Variants in BCAS3 observed in about 807,000 individuals in gnomAD.
The protein encoded by BCAS3 is BCAS3 microtubule associated cell migration factor.
Under a neutral mutation model 116.1 loss-of-function variants are expected in BCAS3, and 53 were observed. The ratio of observed to expected loss-of-function variants is 0.46; its 90% CI spans 0.37 to 0.57. The LOEUF (loss-of-function observed/expected upper bound fraction) is 0.57, where lower values mean the gene tolerates loss of function less well. Ranked by LOEUF, BCAS3 falls within the 20% of genes least tolerant of loss-of-function variation. The probability of loss-of-function intolerance (pLI) is 0.00; values close to 1 mark genes in which losing one functional copy is unlikely to be tolerated. For missense variants in BCAS3, 917 were observed against 1,165.4 expected (o/e 0.79, Z 3.10); for synonymous variants, 391 against 408.2 (o/e 0.96, Z 0.51).
In BCAS3 at chr17:61,140,584, C is replaced by CTT. The variant is rs879500255; in HGVS notation, c.2425+56032_2425+56033dup. On this transcript the variant is annotated intron_variant, in intron 22 of 23. Transcript: ENST00000407086. This position sits in a 1 kb window ranked among gnomAD's most constrained non-coding sequence, Gnocchi z 4.2. ...CACATAAAAGTTGCTTATCTCTCCA[C>CTT]TTTTTTTTTTTTTCTGGAGAAACAG... Among the ~76,000 whole-genome samples the CTT allele has an allele frequency of 1.0e-4, 15 of 146,334 alleles. No individual in the cohort carries two copies. The highest frequency in any genetic ancestry group is 9.1e-5 in the Non-Finnish European group (6 of 66,254).
chr17:61,150,001 G>A (rs2077456224), intron 22 of BCAS3, among the ~76,000 whole-genome samples: 1 of 152,170 alleles, frequency 6.6e-6, no homozygotes, highest in African/African-American at 2.4e-5. Flanking sequence ...AGACTTAGAT[G>A]AATATCAGGT....
chr17:61,061,872 G>T lies in BCAS3; in HGVS notation c.2030-13048G>T, dbSNP rs374504605. On this transcript the variant is annotated intron_variant, in intron 19 of 23. Coordinates refer to ENST00000407086, the MANE Select transcript of BCAS3 (RefSeq NM_017679.5). The stretch of plus-strand genomic sequence containing the variant: ...CGTGTTTGAGCAGTTGATAAAGCTG[G>T]TCCTATGTTTGATATTTGTGTGTAT... Among the ~76,000 whole-genome samples, 17 of 152,192 alleles carry T rather than the reference G, an allele frequency of 1.1e-4. No individual in the cohort carries two copies. The East Asian group carries it at 2.5e-3, about 22-fold the overall frequency.
At position 61,344,204 on chromosome 17, in the gene BCAS3, G is replaced by C. The variant is rs1242819901; in HGVS notation, c.2426-24123G>C. On this transcript the variant is annotated intron_variant, in intron 22 of 23. Transcript: ENST00000407086. The surrounding 1 kb of genome is among the most constrained non-coding windows in gnomAD (Gnocchi z 4.1). ...GGAATATGCAAACCCTCTTTGCTTA[G>C]GAGAACCTGAGTTCACCTGCCAAAA... Among the ~76,000 whole-genome samples, 1 of 151,824 alleles carries C rather than the reference G, an allele frequency of 6.6e-6. No individual in the cohort carries two copies. The highest frequency in any genetic ancestry group is 2.4e-5 in the African/African-American group (1 of 41,300).
intron 15 of BCAS3, among the ~76,000 whole-genome samples, chr17:61,005,090 A>G: frequency 6.6e-6 from 1 of 152,116 alleles, no homozygotes; most frequent in East Asian, 1.9e-4. Flanking sequence ...TTACAGGGAA[A>G]GAAGAGTCAT....
intron 22 of BCAS3, among the ~76,000 whole-genome samples, chr17:61,358,592 C>G (rs1468297700): frequency 6.6e-6 from 1 of 150,836 alleles, no homozygotes; most frequent in African/African-American, 2.4e-5. Context: ...ACTTCCACCT[C>G]CTGGGTTCAA....
chr17:61,175,233 C>G (rs1350505875), intron 22 of BCAS3, among the ~76,000 whole-genome samples: 1 of 152,012 alleles, frequency 6.6e-6, no homozygotes, highest in Non-Finnish European at 1.5e-5. Flanking sequence ...TTAGTGAGAC[C>G]CCATCTCTGT....
rs2076410737 is a variant in BCAS3 at position 61,132,820 on chromosome 17, G to A, written c.2425+48256G>A. 6.6e-6 allele frequency among the ~76,000 whole-genome samples: 1 copy of A among 152,062 alleles called. No homozygotes were observed. Among genetic ancestry groups the A allele is most frequent in the Non-Finnish European group, 1.5e-5 (1 of 68,004 alleles). On this transcript the variant is annotated intron_variant, in intron 22 of 23. Coordinates refer to ENST00000407086, the MANE Select transcript of BCAS3 (RefSeq NM_017679.5). This position sits in a 1 kb window ranked among gnomAD's most constrained non-coding sequence, Gnocchi z 5.1. ...AGAAGCTCCTTACCAGGTCTGTGTG[G>A]GTCACGGGGCAAGATCAAAGAATCC... is the stretch of plus-strand genomic sequence containing the variant.
rs563249021 is a variant in BCAS3 at position 61,013,860 on chromosome 17, G to C, written c.1487-1891G>C. ...CCACTATCCTAATTCTGAAGCCACT[G>C]TCATCTTGTTACGATTTTTTAGAAA... is the stretch of plus-strand genomic sequence containing the variant. On this transcript the variant is annotated intron_variant, in intron 15 of 23. Coordinates refer to ENST00000407086, the MANE Select transcript of BCAS3 (RefSeq NM_017679.5). The surrounding 1 kb of genome is among the most constrained non-coding windows in gnomAD (Gnocchi z 4.4). Among the ~76,000 whole-genome samples, 1 of 152,198 alleles carries C rather than the reference G, an allele frequency of 6.6e-6. No homozygotes were observed. Among genetic ancestry groups the C allele is most frequent in the South Asian group, 2.1e-4 (1 of 4,826 alleles).
At chr17:61,067,127 A>G (rs2143363974) in intron 19 of BCAS3, among the ~76,000 whole-genome samples, 1 of 150,536 alleles carries the variant, frequency 6.6e-6, no homozygotes, top group Admixed American at 6.6e-5. Context: ...CAAAAATAGA[A>G]CTCTTCTAAG....
At chr17:61,111,517 G>A (rs1201943993) in intron 22 of BCAS3, among the ~76,000 whole-genome samples, 2 of 151,876 alleles carry the variant, frequency 1.3e-5, no homozygotes, top group South Asian at 2.1e-4. Flanking sequence ...GAAATGAAGC[G>A]AGAAGGGAAG....
In BCAS3 at chr17:61,037,889, A is replaced by G. The variant is rs765344649; in HGVS notation, c.1763A>G (p.Asp588Gly). The change falls in exon 18 of 24, where the codon GAT becomes GGT. Residue 588 changes from aspartate (D) to glycine (G), a missense_variant and splice_region_variant. Coordinates refer to ENST00000407086, the MANE Select transcript of BCAS3 (RefSeq NM_017679.5). This position sits in a 1 kb window ranked among gnomAD's most constrained non-coding sequence, Gnocchi z 4.7. ...ANNAGLKREK[D>G]QSKQVVVESL... is the part of the protein sequence containing the mutation. ...TCGGGTTCTGTTTCTCTGTTTGTAG[A>G]TCAGTCCAAACAAGTTGTAGTTGAG... is the stretch of plus-strand genomic sequence containing the variant. 1.9e-6 allele frequency: 3 copies of G among 1,612,806 alleles called. No individual in the cohort carries two copies. The highest frequency in any genetic ancestry group is 1.3e-5 in the African/African-American group (1 of 74,986).
chr17:60,768,692 G>A (rs114932225), intron 6 of BCAS3, among the ~76,000 whole-genome samples: 1,538 of 152,342 alleles, frequency 0.01, 28 homozygotes, highest in African/African-American at 0.034. Context: ...AGGCTGTGGT[G>A]AAATTTTGCT....
rs1448074414 is a variant in BCAS3 at position 61,376,184 on chromosome 17, TG to T, written c.2593+7693del. On this transcript the variant is annotated intron_variant, in intron 23 of 23. Coordinates refer to ENST00000407086, the MANE Select transcript of BCAS3 (RefSeq NM_017679.5). This position sits in a 1 kb window ranked among gnomAD's most constrained non-coding sequence, Gnocchi z 4.5. ...AGAAGTGACATTTACATGTGTTATG[TG>T]GGCCTCTCAGGTCCCTTTCCCAAAC... is the stretch of plus-strand genomic sequence containing the variant. Among the ~76,000 whole-genome samples the T allele has an allele frequency of 1.2e-4, 19 of 152,330 alleles. No individual in the cohort carries two copies. The highest frequency in any genetic ancestry group is 3.4e-3 in the Middle Eastern group (1 of 294).
intron 9 of BCAS3, among the ~76,000 whole-genome samples, chr17:60,889,463 T>C (rs1157042311): frequency 6.6e-6 from 1 of 152,244 alleles, no homozygotes; most frequent in East Asian, 1.9e-4. Flanking sequence ...TGACCAGTTC[T>C]TTCCAGATTT....
At chr17:61,373,121 C>T (rs111708403) in intron 23 of BCAS3, among the ~76,000 whole-genome samples, 3,918 of 149,954 alleles carry the variant, frequency 0.026, 170 homozygotes, top group African/African-American at 0.091. Flanking sequence ...GACGGAGTTT[C>T]GCTCTGTTGT....
At position 61,251,844 on chromosome 17, in the gene BCAS3, C is replaced by T. The variant is rs968255061; in HGVS notation, c.2426-116483C>T. 5.3e-5 allele frequency among the ~76,000 whole-genome samples: 8 copies of T among 152,138 alleles called. No homozygotes were observed. The highest frequency in any genetic ancestry group is 1.9e-4 in the African/African-American group (8 of 41,430). On this transcript the variant is annotated intron_variant, in intron 22 of 23. Coordinates refer to ENST00000407086, the MANE Select transcript of BCAS3 (RefSeq NM_017679.5). The surrounding 1 kb of genome is among the most constrained non-coding windows in gnomAD (Gnocchi z 4.7). ...TGTTTATAGAACTCATTTTCAGGAA[C>T]AAGTGTTTTATAGTGAGGTGGAGGT...
chr17:61,053,242 A>G (rs1247518536), intron 19 of BCAS3, among the ~76,000 whole-genome samples: 1 of 152,162 alleles, frequency 6.6e-6, no homozygotes, highest in African/African-American at 2.4e-5. Context: ...ATTCCCAAAC[A>G]AATTTTGTAC....
At chr17:61,290,812 G>A (rs1227572820) in intron 22 of BCAS3, among the ~76,000 whole-genome samples, 2 of 152,014 alleles carry the variant, frequency 1.3e-5, no homozygotes, top group East Asian at 1.9e-4. Flanking sequence ...TCAGAGTCTC[G>A]CTCTGTTGCC....
Position 61,026,867 on chromosome 17 carries a change from C to T in BCAS3, c.1638-7799C>T. The stretch of plus-strand genomic sequence containing the variant: ...CATTTTTCCCCCTTTTCCATGAAGG[C>T]CTTATCTCTTTGGAGCGGGGTGTTT... On this transcript the variant is annotated intron_variant, in intron 16 of 23. Transcript: ENST00000407086. This position sits in a 1 kb window ranked among gnomAD's most constrained non-coding sequence, Gnocchi z 5.0. 1 of 1,597,324 alleles carries T rather than the reference C, an allele frequency of 6.3e-7. No individual in the cohort carries two copies.
Sources: allele counts gnomAD v4.1 joint callset (sites outside exome capture counted in the v4.1 genomes callset), GRCh38; gene constraint gnomAD v4.1.1; non-coding constraint Gnocchi (gnomAD v3.1); transcripts MANE v1.5; gene names NCBI Gene and HGNC (gene_info 2026-07-23, HGNC 2026-07-21).